KLHL25: variants seen among roughly 807,000 people sequenced by gnomAD.
The protein encoded by KLHL25 is kelch-like protein 25.
A neutral mutation model predicts 30.0 loss-of-function variants in KLHL25; 41 were observed. The observed-to-expected ratio is 1.37, with a 90% CI of 1.07 to 1.78. The LOEUF (loss-of-function observed/expected upper bound fraction) is 1.78, where lower values mean the gene tolerates loss of function less well. Ranked by LOEUF, KLHL25 falls within the 40% of genes most tolerant of loss-of-function variation. The pLI is 0.00. For synonymous variants in KLHL25, 399 were observed against 355.3 expected, an observed-to-expected ratio of 1.12 and a Z score of -1.38; for missense variants, 971 against 824.5, an observed-to-expected ratio of 1.18 and a Z score of -2.18.
intron 1 of KLHL25, among the ~76,000 whole-genome samples, chr15:85,791,474 G>A (rs748749858): frequency 7.2e-5 from 11 of 152,174 alleles, no homozygotes; most frequent in Admixed American, 2.6e-4. Context: ...CAGCCTGGGC[G>A]ACAGAGCGAG....
chr15:85,774,862 C>T (rs1307894786), intron 1 of KLHL25, among the ~76,000 whole-genome samples: 4 of 148,978 alleles, frequency 2.7e-5, no homozygotes, highest in Non-Finnish European at 3.0e-5. Flanking sequence ...TCCCGCAGTG[C>T]GATTCTTTTT....
intron 1 of KLHL25, among the ~76,000 whole-genome samples, chr15:85,773,952 C>T (rs543087013): frequency 6.6e-6 from 1 of 152,142 alleles, no homozygotes; most frequent in South Asian, 2.1e-4. Flanking sequence ...GCTATGTGTC[C>T]CTCCACCCCT....
intron 1 of KLHL25, among the ~76,000 whole-genome samples, chr15:85,773,816 G>A (rs765471455): frequency 2.0e-5 from 3 of 152,124 alleles, no homozygotes; most frequent in Non-Finnish European, 4.4e-5. Flanking sequence ...TGCGCAGAGG[G>A]CCAAGTGGAG....
chr15:85,768,741 T>A lies in KLHL25; in HGVS notation c.1070A>T (p.Asp357Val). The part of the protein sequence containing the change: ...GRGSENGVSK[D>V]VWVYDTVHEE... Reference sequence around the variant, plus strand: ...ATGTACGGTGTCGTACACCCAGACATCCTTGGAGACCCCGTTCTCGGAGCC... The same window carrying A: ...ATGTACGGTGTCGTACACCCAGACAACCTTGGAGACCCCGTTCTCGGAGCC... Residue 357 changes from aspartate to valine, a missense_variant, in exon 2 of 3, where the codon GAT becomes GTT. Asp to Val is a radical substitution (Grantham distance 152). Transcript: ENST00000337975. 2 of 1,613,170 alleles carry A rather than the reference T, an allele frequency of 1.2e-6. No homozygotes were observed. The highest frequency in any genetic ancestry group is 1.7e-5 in the Admixed American group (1 of 60,028).
chr15:85,776,141 C>T (rs1415055609), intron 1 of KLHL25, among the ~76,000 whole-genome samples: 2 of 150,818 alleles, frequency 1.3e-5, no homozygotes, highest in Non-Finnish European at 2.9e-5. Context: ...CCACTGCACT[C>T]CAGCCTGGGC....
chr15:85,777,549 C>T (rs966393516), intron 1 of KLHL25, among the ~76,000 whole-genome samples: 6 of 152,366 alleles, frequency 3.9e-5, no homozygotes, highest in Non-Finnish European at 5.9e-5. Flanking sequence ...GCCTTCTCCA[C>T]ATGCTCCAGC....
At chr15:85,776,093 A>C (rs2089707223) in intron 1 of KLHL25, among the ~76,000 whole-genome samples, 1 of 151,924 alleles carries the variant, frequency 6.6e-6, no homozygotes, top group African/African-American at 2.4e-5. Flanking sequence ...GAACTGCTTG[A>C]ACCCAGCAAA....
chr15:85,791,457 T>G (rs574615564), intron 1 of KLHL25, among the ~76,000 whole-genome samples: 1 of 152,256 alleles, frequency 6.6e-6, no homozygotes, highest in South Asian at 2.1e-4. Flanking sequence ...ATGGCGCCAT[T>G]GCACTCCAGC....
intron 2 of KLHL25, 83 bp downstream of exon 2, chr15:85,767,934 C>G: frequency 1.1e-6 from 1 of 918,550 alleles, no homozygotes; most frequent in South Asian, 1.8e-5. Context: ...ACACGGTGAC[C>G]TTCACCCAGT....
At chr15:85,780,720 T>C (rs1271641796) in intron 1 of KLHL25, among the ~76,000 whole-genome samples, 1 of 152,192 alleles carries the variant, frequency 6.6e-6, no homozygotes, top group Non-Finnish European at 1.5e-5. Context: ...TGCCTCTCAA[T>C]TCCCAAAGCC....
intron 1 of KLHL25, among the ~76,000 whole-genome samples, chr15:85,786,006 G>T (rs868499163): frequency 8.3e-6 from 1 of 120,338 alleles, no homozygotes; most frequent in Non-Finnish European, 1.6e-5. Context: ...CAGCTCTAGA[G>T]TGAGATGCTT....
intron 1 of KLHL25, among the ~76,000 whole-genome samples, chr15:85,793,897 G>T (rs573327544): frequency 1.3e-5 from 2 of 152,340 alleles, no homozygotes; most frequent in East Asian, 1.9e-4. Flanking sequence ...CCCACAGTTC[G>T]TTGGGTCAGG....
Position 85,769,777 on chromosome 15 carries a change from G to A in KLHL25, c.34C>T (p.Arg12Trp), listed in dbSNP as rs144423156. The A allele has an allele frequency of 1.2e-6, 2 of 1,611,914 alleles. No homozygotes were observed. Among genetic ancestry groups the A allele is most frequent in the East Asian group, 2.2e-5 (1 of 44,866 alleles). The change falls in exon 2 of 3, where the codon CGG (arginine) becomes TGG (tryptophan). Residue 12 changes from arginine to tryptophan, a missense_variant. Arg to Trp is a moderately radical substitution (Grantham distance 101). Coordinates refer to ENST00000337975, the MANE Select transcript of KLHL25 (RefSeq NM_022480.4). ...SVSVHETRKSRSSTGSMNVTL... is the reference protein window; with the variant it reads ...SVSVHETRKSWSSTGSMNVTL... Reference sequence around the variant, plus strand: ...ACGTTCATGGACCCCGTGCTGCTCCGCGACTTGCGGGTCTCATGGACACTG... The same window carrying A: ...ACGTTCATGGACCCCGTGCTGCTCCACGACTTGCGGGTCTCATGGACACTG...
rs753026649 is a variant in KLHL25 at position 85,768,679 on chromosome 15, G to C, written c.1132C>G (p.Arg378Gly). 6.2e-7 allele frequency: 1 copy of C among 1,613,300 alleles called. No individual in the cohort carries two copies. The highest frequency in any genetic ancestry group is 8.5e-7 in the Non-Finnish European group (1 of 1,179,646). ...WSKAAPMLIARFGHGSAELEN... is the reference protein window; with the variant it reads ...WSKAAPMLIAGFGHGSAELEN... ...AGCTCAGCTGAGCCATGGCCAAAGC[G>C]GGCAATCAGCATGGGCGCCGCCTTG... The change falls in exon 2 of 3, where the codon CGC becomes GGC. Residue 378 changes from arginine (R) to glycine (G), a missense_variant. By Grantham distance (125) the Arg-to-Gly change is moderately radical (BLOSUM62 -2). Transcript: ENST00000337975.
chr15:85,770,487 TG>T (rs779507299), intron 1 of KLHL25: 2 of 533,742 alleles, frequency 3.7e-6, no homozygotes, highest in African/African-American at 3.9e-5. Flanking sequence ...CCCCTTGCCT[TG>T]GAACAAGAGC....
intron 2 of KLHL25, among the ~76,000 whole-genome samples, chr15:85,764,765 T>C (rs2089608101): frequency 6.6e-6 from 1 of 152,194 alleles, no homozygotes; most frequent in Non-Finnish European, 1.5e-5. Context: ...CATCTCCCTG[T>C]CCTCCATCGC....
At chr15:85,777,385 G>C (rs907618824) in intron 1 of KLHL25, among the ~76,000 whole-genome samples, 1 of 152,178 alleles carries the variant, frequency 6.6e-6, no homozygotes, top group African/African-American at 2.4e-5. Context: ...CTCAAATTGT[G>C]TCTCCTTCCC....
chr15:85,775,301 T>C (rs1038940765), intron 1 of KLHL25, among the ~76,000 whole-genome samples: 3 of 152,172 alleles, frequency 2.0e-5, no homozygotes, highest in Admixed American at 2.0e-4. Context: ...GATGTGGCTC[T>C]GGACCCAAGC....
intron 1 of KLHL25, among the ~76,000 whole-genome samples, chr15:85,785,244 C>T (rs1273106391): frequency 1.3e-5 from 2 of 152,188 alleles, no homozygotes; most frequent in Non-Finnish European, 2.9e-5. Flanking sequence ...CAGGCGCCCA[C>T]CACGACGTCC....
Sources: allele counts gnomAD v4.1 joint callset (sites outside exome capture counted in the v4.1 genomes callset), GRCh38; gene constraint gnomAD v4.1.1; transcripts MANE v1.5; gene names NCBI Gene and HGNC (gene_info 2026-07-23, HGNC 2026-07-21).